UTS2B: variants seen among roughly 807,000 people sequenced by gnomAD.
UTS2B encodes urotensin 2B.
In UTS2B, 21 loss-of-function variants were observed where a neutral mutation model predicts 19.2. The ratio of observed to expected loss-of-function variants is 1.09; its 90% CI spans 0.78 to 1.58. UTS2B has a LOEUF of 1.58. UTS2B is among the 40% of genes most tolerant of loss of function. The pLI is 0.00. For synonymous variants in UTS2B, 57 were observed against 50.2 expected (o/e 1.14, Z -0.58); for missense variants, 138 against 130.3 (o/e 1.06, Z -0.29).
intron 8 of UTS2B, among the ~76,000 whole-genome samples, chr3:191,269,882 T>A (rs1193376603): frequency 6.6e-6 from 1 of 152,232 alleles, no homozygotes; most frequent in African/African-American, 2.4e-5. Flanking sequence ...GTCATACTGG[T>A]GGCAGAGCCA....
At chr3:191,284,695 C>T (rs370870281) in intron 4 of UTS2B, among the ~76,000 whole-genome samples, 3 of 151,170 alleles carry the variant, frequency 2.0e-5, no homozygotes, top group Non-Finnish European at 3.0e-5. Flanking sequence ...CTGAGGTGGG[C>T]GGGTCACGAG....
intron 2 of UTS2B, among the ~76,000 whole-genome samples, chr3:191,323,817 G>T (rs1291006682): frequency 1.3e-5 from 2 of 152,202 alleles, no homozygotes; most frequent in Non-Finnish European, 2.9e-5. Flanking sequence ...TATAATTGAA[G>T]AATTGTTGAA....
rs115477078 is a variant in UTS2B at position 191,310,802 on chromosome 3, G to T, written c.-182+5234C>A. ...CTATGATCCAACTCTTTTTTACAGA[G>T]ATTGAACAGATGAATTGATCAAAAA... is the stretch of plus-strand genomic sequence containing the variant. On this transcript the variant is annotated intron_variant, in intron 3 of 8. Coordinates refer to ENST00000340524, the MANE Select transcript of UTS2B (RefSeq NM_198152.5). Among the ~76,000 whole-genome samples the T allele has an allele frequency of 2.4e-3, 360 of 152,292 alleles. 3 individuals are homozygous for T. Among genetic ancestry groups the T allele is most frequent in the African/African-American group, 8.4e-3 (348 of 41,546 alleles).
chr3:191,338,097 G>A, the UTS2B span, among the ~76,000 whole-genome samples: 3 of 152,032 alleles, frequency 2.0e-5, no homozygotes, highest in Non-Finnish European at 2.9e-5. Context: ...AACTTTAGGA[G>A]TTTTAACTGC....
intron 4 of UTS2B, among the ~76,000 whole-genome samples, chr3:191,303,865 T>G (rs1717064440): frequency 2.1e-5 from 2 of 95,136 alleles, no homozygotes; most frequent in South Asian, 6.0e-4. Context: ...GCCACGCAGA[T>G]GTGGTCAGAG....
rs947799478 is a variant in UTS2B at position 191,330,450 on chromosome 3, C to T, written c.-701G>A. 3.9e-5 allele frequency: 6 copies of T among 152,212 alleles called. No homozygotes were observed. The highest frequency in any genetic ancestry group is 1.4e-4 in the African/African-American group (6 of 41,390). The allele number at this position is 152,212 out of a possible 1,614,324, so 9.4% of individuals were successfully genotyped here. On this transcript the variant is annotated 5_prime_UTR_variant, in exon 1 of 9. Transcript: ENST00000340524. ...TGACAGCAAGTAGCCTTTTGACTTC[C>T]CTTCTCTTGTTTTTCCACTAGCTGC...
chr3:191,331,694 A>G (rs1463272263), upstream of UTS2B, among the ~76,000 whole-genome samples: 1 of 152,156 alleles, frequency 6.6e-6, no homozygotes, highest in East Asian at 1.9e-4. Context: ...TGTCCTACTA[A>G]TGGTGGTGAA....
At chr3:191,320,781 A>G (rs955902072) in intron 2 of UTS2B, among the ~76,000 whole-genome samples, 1 of 152,246 alleles carries the variant, frequency 6.6e-6, no homozygotes, top group African/African-American at 2.4e-5. Flanking sequence ...TGATGTGACA[A>G]CTGTGTAAGT....
At chr3:191,308,551 G>T (rs1470507740) in intron 3 of UTS2B, among the ~76,000 whole-genome samples, 2 of 152,104 alleles carry the variant, frequency 1.3e-5, no homozygotes, top group Non-Finnish European at 2.9e-5. Flanking sequence ...TTGGGGTTGG[G>T]TAATTCTTTA....
At chr3:191,292,684 C>G (rs1429804554) in intron 4 of UTS2B, among the ~76,000 whole-genome samples, 1 of 152,016 alleles carries the variant, frequency 6.6e-6, no homozygotes, top group Non-Finnish European at 1.5e-5. Context: ...ACCTCCAGTA[C>G]AATGTTGAAT....
chr3:191,337,936 G>T, the UTS2B span, among the ~76,000 whole-genome samples: 1 of 152,028 alleles, frequency 6.6e-6, no homozygotes, highest in Non-Finnish European at 1.5e-5. Flanking sequence ...GAGGTACCTA[G>T]GCTAATTTAT....
At chr3:191,284,321 C>T (rs1716473915) in intron 4 of UTS2B, among the ~76,000 whole-genome samples, 1 of 151,672 alleles carries the variant, frequency 6.6e-6, no homozygotes, top group Non-Finnish European at 1.5e-5. Context: ...TTATTCTTTT[C>T]TTTTCTTTTC....
chr3:191,330,411 G>T lies in UTS2B; in HGVS notation c.-665+3C>A, dbSNP rs1290289722. The T allele has an allele frequency of 1.3e-5, 2 of 152,200 alleles. No homozygotes were observed. The highest frequency in any genetic ancestry group is 4.8e-5 in the African/African-American group (2 of 41,420). 9.4% of individuals were successfully genotyped at this position (152,200 alleles called of 1,614,324 possible). A position where few individuals can be genotyped will look rare whatever the true frequency, so the allele number is the denominator to read the frequency against. ...GTCCAGGAAAGTAGAGATTAGTACT[G>T]ACCTGGCTTTAGCTGACAGCAAGTA... On this transcript the variant is annotated splice_donor_region_variant and intron_variant, in intron 1 of 8. Transcript: ENST00000340524.
At chr3:191,280,606 T>C (rs1392560170) in intron 5 of UTS2B, among the ~76,000 whole-genome samples, 1 of 152,044 alleles carries the variant, frequency 6.6e-6, no homozygotes, top group East Asian at 1.9e-4. Context: ...ATCAAAGAGG[T>C]CTCTGAGAGA....
chr3:191,325,434 G>C (rs544093595), intron 2 of UTS2B, among the ~76,000 whole-genome samples: 65 of 152,276 alleles, frequency 4.3e-4, no homozygotes, highest in African/African-American at 1.5e-3. Context: ...GTCCCCAGGT[G>C]ACCCCTGAGT....
At chr3:191,318,844 G>C (rs1717535616) in intron 2 of UTS2B, among the ~76,000 whole-genome samples, 1 of 151,668 alleles carries the variant, frequency 6.6e-6, no homozygotes, top group South Asian at 2.1e-4. Context: ...TGTAACCTTG[G>C]GTTGAAAAAA....
rs10580681 is a variant in UTS2B, at chr3:191,329,975, AGTAG to A, written c.-665+435_-665+438del. Reference sequence around the variant, plus strand: ...GGGGGGGCTAGCAGCAGCCCCAGCAAGTAGGTGGCTGTGCCCGTGTTCTCGTGCA... The same window carrying A: ...GGGGGGGCTAGCAGCAGCCCCAGCAAGTGGCTGTGCCCGTGTTCTCGTGCA... On this transcript the variant is annotated intron_variant, in intron 1 of 8. Transcript: ENST00000340524. Among the ~76,000 whole-genome samples, 32,574 of 144,054 alleles carry A rather than the reference AGTAG, an allele frequency of 0.23. 4,770 individuals carry two copies. Among genetic ancestry groups the A allele is most frequent in the East Asian group, 0.67 (3,094 of 4,618 alleles). 94.5% of individuals were successfully genotyped at this position (144,054 alleles called of 152,430 possible). A position where few individuals can be genotyped will look rare whatever the true frequency, so the allele number is the denominator to read the frequency against.
intron 3 of UTS2B, among the ~76,000 whole-genome samples, chr3:191,310,821 T>C (rs115182636): frequency 0.023 from 3,513 of 152,272 alleles, 132 homozygotes; most frequent in African/African-American, 0.081. Context: ...GATGAATTGA[T>C]CAAAAAAGTG....
At chr3:191,293,914 G>C (rs1716783572) in intron 4 of UTS2B, among the ~76,000 whole-genome samples, 1 of 151,752 alleles carries the variant, frequency 6.6e-6, no homozygotes, top group African/African-American at 2.4e-5. Flanking sequence ...TTCAAGACCA[G>C]CCTGACCAAC....
Sources: gnomAD v4.1 joint callset for allele counts (sites outside exome capture counted in the v4.1 genomes callset) on GRCh38, gnomAD v4.1.1 for gene constraint, MANE v1.5 for transcripts, NCBI Gene and HGNC (gene_info 2026-07-23, HGNC 2026-07-21) for gene names.